The following PSMC6 variants were observed in gnomAD, a reference collection of about 807,000 sequenced individuals.
PSMC6 encodes 26S proteasome regulatory subunit 10B.
A neutral mutation model predicts 55.9 loss-of-function variants in PSMC6; 3 were observed. The ratio of observed to expected loss-of-function variants is 0.05; its 90% CI spans 0.02 to 0.14. The LOEUF (loss-of-function observed/expected upper bound fraction) is 0.14. Among genes scored for constraint, PSMC6 ranks in the 10% least tolerant of loss-of-function variants. The probability of loss-of-function intolerance (pLI) is 1.00; values close to 1 mark genes in which losing one functional copy is unlikely to be tolerated. For synonymous variants in PSMC6, 137 were observed against 155.9 expected (o/e 0.88, Z 0.90); for missense variants, 210 against 478.7 (o/e 0.44, Z 5.24).
intron 6 of PSMC6, among the ~76,000 whole-genome samples, chr14:52,712,537 A>G (rs2041784974): frequency 6.6e-6 from 1 of 152,166 alleles, no homozygotes; most frequent in Non-Finnish European, 1.5e-5. Flanking sequence ...AGTATCCTTT[A>G]CTGTCTGCAG....
At chr14:52,724,899 AG>A (rs1273352077) in intron 13 of PSMC6, among the ~76,000 whole-genome samples, 1 of 152,200 alleles carries the variant, frequency 6.6e-6, no homozygotes, top group Non-Finnish European at 1.5e-5. Context: ...TATCATGTTT[AG>A]CCTTAGTAAA....
intron 7 of PSMC6, among the ~76,000 whole-genome samples, chr14:52,716,599 CAA>C (rs1021276184): frequency 2.6e-5 from 4 of 152,010 alleles, no homozygotes; most frequent in African/African-American, 9.7e-5. Context: ...GCTGAAAATA[CAA>C]AATTAGCTGG....
intron 7 of PSMC6, 90 bp from the exon 8 acceptor site, chr14:52,717,991 C>A: frequency 8.1e-7 from 1 of 1,238,844 alleles, no homozygotes. Context: ...TCTCGCCACA[C>A]TCCAGCCTAG....
At position 52,707,206 on chromosome 14, in the gene PSMC6, G is replaced by C. The variant is rs1368758350; in HGVS notation, c.-14G>C. 1 of 1,613,690 alleles carries C rather than the reference G, an allele frequency of 6.2e-7. No individual in the cohort carries two copies. The highest frequency in any genetic ancestry group is 1.1e-5 in the South Asian group (1 of 91,054). Reference sequence around the variant, plus strand: ...GCCATTCCCGGCATCCCCTATGAGAGACGGCTTCTCATCATGGCGGACCCT... The same window carrying C: ...GCCATTCCCGGCATCCCCTATGAGACACGGCTTCTCATCATGGCGGACCCT... On this transcript the variant is annotated 5_prime_UTR_variant, in exon 1 of 14. Transcript: ENST00000445930.
intron 13 of PSMC6, 149 bp from the exon 14 acceptor site, chr14:52,727,350 G>C: frequency 1.7e-6 from 1 of 597,148 alleles, no homozygotes; most frequent in South Asian, 2.5e-5. Context: ...ATTGAAAAAA[G>C]ATAGTGGTTT....
chr14:52,711,333 C>CA (rs759927005), intron 5 of PSMC6, 77 bp from the exon 6 acceptor site: 26 of 1,348,310 alleles, frequency 1.9e-5, no homozygotes, highest in Non-Finnish European at 2.6e-5. Context: ...CTTGCTTGAG[C>CA]AAGTTATTTA....
At chr14:52,710,823 C>T in intron 4 of PSMC6, 1 of 393,526 alleles carries the variant, frequency 2.5e-6, no homozygotes, top group Non-Finnish European at 4.6e-6. Flanking sequence ...TAGCAATTCC[C>T]AAAGTCACTG....
At chr14:52,713,640 AC>A (rs2041799170) in intron 6 of PSMC6, among the ~76,000 whole-genome samples, 3 of 152,146 alleles carry the variant, frequency 2.0e-5, no homozygotes, top group Admixed American at 2.0e-4. Context: ...TGTAACCATC[AC>A]CCCAATCAAG....
chr14:52,714,727 G>A (rs750446437), intron 7 of PSMC6, among the ~76,000 whole-genome samples: 2 of 151,906 alleles, frequency 1.3e-5, no homozygotes, highest in African/African-American at 2.4e-5. Flanking sequence ...TGAGCCAGGC[G>A]TGGTGGCGTG....
rs1880493420 is a variant in PSMC6 at position 52,728,078 on chromosome 14, T to C, written c.*461T>C. ...TAAACTATTTGATAACCCAGATGGA[T>C]TGTGGATTTTTGAATATTATTTTAA... is the stretch of plus-strand genomic sequence containing the variant. On this transcript the variant is annotated 3_prime_UTR_variant, in exon 14 of 14. Transcript: ENST00000445930. 6.5e-6 allele frequency: 1 copy of C among 155,022 alleles called. No homozygotes were observed. 9.6% of individuals were successfully genotyped at this position (155,022 alleles called of 1,614,324 possible). A position where few individuals can be genotyped will look rare whatever the true frequency, so the allele number is the denominator to read the frequency against.
rs1340449651 is a variant in PSMC6, at chr14:52,718,739, T to G, written c.716-238T>G. The G allele has an allele frequency of 1.1e-5, 5 of 468,576 alleles. No homozygotes were observed. The East Asian group carries it at 1.9e-4, about 18-fold the overall frequency. 29.0% of individuals were successfully genotyped at this position (468,576 alleles called of 1,614,324 possible). On this transcript the variant is annotated intron_variant, in intron 9 of 13. Transcript: ENST00000445930. ...AGACGTAGGTTGCAGTGAGCCGAGA[T>G]CACACCACTGCACTCCAGCCTGGCG...
chr14:52,719,942 A>G (rs2041870325), intron 10 of PSMC6, among the ~76,000 whole-genome samples: 1 of 152,226 alleles, frequency 6.6e-6, no homozygotes, highest in Middle Eastern at 3.4e-3. Context: ...TTGAAAAAAT[A>G]GGCCAGGCAT....
intron 6 of PSMC6, among the ~76,000 whole-genome samples, chr14:52,711,886 C>T (rs537906820): frequency 6.6e-6 from 1 of 152,254 alleles, no homozygotes; most frequent in Non-Finnish European, 1.5e-5. Flanking sequence ...TCCATAACCT[C>T]ATTAATACTA....
At chr14:52,714,105 A>G (rs950182476) in intron 7 of PSMC6, 137 bp downstream of exon 7, 8 of 517,072 alleles carry the variant, frequency 1.5e-5, no homozygotes, top group Non-Finnish European at 2.3e-5. Context: ...CAGTGGCACA[A>G]TCTGGGCTAA....
At chr14:52,717,689 C>T (rs2041844522) in intron 7 of PSMC6, among the ~76,000 whole-genome samples, 2 of 151,780 alleles carry the variant, frequency 1.3e-5, no homozygotes, top group African/African-American at 2.4e-5. Context: ...AATTTACTTG[C>T]CAAACGATTA....
At chr14:52,718,442 G>C (rs538738050) in intron 9 of PSMC6, 90 bp downstream of exon 9, 1 of 1,332,430 alleles carries the variant, frequency 7.5e-7, no homozygotes, top group Non-Finnish European at 1.0e-6. Context: ...ATTGTGACTT[G>C]TATGAAGTAG....
At chr14:52,717,330 A>T (rs1018424382) in intron 7 of PSMC6, among the ~76,000 whole-genome samples, 3 of 110,734 alleles carry the variant, frequency 2.7e-5, no homozygotes, top group Non-Finnish European at 3.5e-5. Flanking sequence ...GTACTTTGGA[A>T]TTTTTTTTTT....
At chr14:52,711,585 C>A (rs10483616) in intron 6 of PSMC6, 61 bp downstream of exon 6, 40,767 of 1,156,988 alleles carry the variant, frequency 0.035, 1,945 homozygotes, top group East Asian at 0.21. Flanking sequence ...TTTTAGGATT[C>A]TTAACAGGAG....
intron 1 of PSMC6, 98 bp from the exon 2 acceptor site, chr14:52,708,211 A>G (rs1344485424): frequency 9.8e-6 from 10 of 1,017,230 alleles, no homozygotes; most frequent in Non-Finnish European, 1.3e-5. Context: ...ACTTAGGTAA[A>G]GTGAAGTAGA....
Sources: allele counts gnomAD v4.1 joint callset (sites outside exome capture counted in the v4.1 genomes callset), GRCh38; gene constraint gnomAD v4.1.1; transcripts MANE v1.5; gene names NCBI Gene and HGNC (gene_info 2026-07-23, HGNC 2026-07-21).